LIPA: variants seen among roughly 807,000 people sequenced by gnomAD.
LIPA encodes lysosomal acid lipase/cholesteryl ester hydrolase.
LIPA carries 26 observed loss-of-function variants against 40.6 expected under a neutral mutation model. The observed-to-expected ratio is 0.64, with a 90% CI of 0.47 to 0.89. LIPA has a LOEUF of 0.89. Among genes scored for constraint, LIPA ranks in the 40% least tolerant of loss-of-function variants. LIPA has a pLI of 0.00. For missense variants in LIPA, 455 were observed against 479.6 expected (o/e 0.95, Z 0.48); for synonymous variants, 188 against 168.4 (o/e 1.12, Z -0.90).
intron 1 of LIPA, among the ~76,000 whole-genome samples, chr10:89,302,799 A>ATT (rs140572428): frequency 3.3e-5 from 5 of 152,224 alleles, no homozygotes; most frequent in Non-Finnish European, 7.4e-5. Flanking sequence ...GTGTTAGCTC[A>ATT]TTGAATAGGA....
chr10:89,282,025 A>G (rs1289154998), intron 1 of LIPA, among the ~76,000 whole-genome samples: 1 of 152,184 alleles, frequency 6.6e-6, no homozygotes, highest in Non-Finnish European at 1.5e-5. Context: ...GCTGTTGATG[A>G]GGCAAGAGTT....
At chr10:89,372,793 A>C (rs1455154888) in intron 2 of LIPA, among the ~76,000 whole-genome samples, 1 of 152,214 alleles carries the variant, frequency 6.6e-6, no homozygotes, top group Non-Finnish European at 1.5e-5. Flanking sequence ...GCATCTAGAA[A>C]ACATCTTCAC....
At chr10:89,311,827 C>T (rs1249624397) in intron 1 of LIPA, among the ~76,000 whole-genome samples, 1 of 152,122 alleles carries the variant, frequency 6.6e-6, no homozygotes, top group East Asian at 1.9e-4. Context: ...CTGAATGTTA[C>T]CAGTCTTTAA....
intron 2 of LIPA, among the ~76,000 whole-genome samples, chr10:89,410,664 G>A (rs182426840): frequency 3.9e-5 from 6 of 152,368 alleles, no homozygotes; most frequent in Admixed American, 2.6e-4. Context: ...GAGCAACCAT[G>A]CTTATCTAAT....
chr10:89,302,132 A>T, intron 1 of LIPA: 1 of 1,613,944 alleles, frequency 6.2e-7, no homozygotes, highest in Non-Finnish European at 8.5e-7. Context: ...CCATGAGGTA[A>T]ATATTTTCCC....
At chr10:89,360,040 T>G (rs1229563874) in intron 2 of LIPA, among the ~76,000 whole-genome samples, 1 of 152,190 alleles carries the variant, frequency 6.6e-6, no homozygotes, top group Non-Finnish European at 1.5e-5. Flanking sequence ...TGAAGTTAAT[T>G]ACTTAAACTC....
chr10:89,282,751 A>G (rs1375272842), intron 1 of LIPA, among the ~76,000 whole-genome samples: 2 of 152,172 alleles, frequency 1.3e-5, no homozygotes, highest in South Asian at 2.1e-4. Flanking sequence ...AGGTGCTACC[A>G]CTCTTTACAG....
At position 89,216,012 on chromosome 10, in the gene LIPA, A is replaced by G. The variant is rs1166181190; in HGVS notation, c.895-3T>C. The stretch of plus-strand genomic sequence containing the variant: ...TGAAACTTTTGGAATTTAACAGCCT[A>G]AAAAGAAGATAATTTGGAAAAGAGT... On this transcript the variant is annotated splice_region_variant and splice_polypyrimidine_tract_variant and intron_variant, in intron 8 of 9. Coordinates refer to ENST00000336233, the MANE Select transcript of LIPA (RefSeq NM_000235.4). 6.3e-7 allele frequency: 1 copy of G among 1,598,698 alleles called. No homozygotes were observed. The highest frequency in any genetic ancestry group is 1.7e-5 in the Admixed American group (1 of 60,006).
In LIPA at chr10:89,225,076, G is replaced by A. The variant is rs1171202629; in HGVS notation, c.675+16C>T. On this transcript the variant is annotated intron_variant, in intron 6 of 9. Transcript: ENST00000336233. ...AATCTGCGGGGAGAGGAGAGGGATG[G>A]GAGGGGTCCAAGTACCTTAATGAGA... 1 of 1,613,432 alleles carries A rather than the reference G, an allele frequency of 6.2e-7. No individual in the cohort carries two copies. The highest frequency in any genetic ancestry group is 2.2e-5 in the East Asian group (1 of 44,884).
chr10:89,356,540 G>T (rs1469564110), intron 2 of LIPA, among the ~76,000 whole-genome samples: 1 of 152,094 alleles, frequency 6.6e-6, no homozygotes, highest in Non-Finnish European at 1.5e-5. Flanking sequence ...GAACCCTATT[G>T]TGAACTCTGC....
At chr10:89,390,622 A>G (rs77108966) in intron 2 of LIPA, among the ~76,000 whole-genome samples, 3,001 of 151,890 alleles carry the variant, frequency 0.02, 58 homozygotes, top group East Asian at 0.093. Context: ...ACACACACAC[A>G]CGCGCGCGAT....
chr10:89,246,169 T>G (rs527639802), intron 2 of LIPA, among the ~76,000 whole-genome samples: 1 of 152,338 alleles, frequency 6.6e-6, no homozygotes, highest in Admixed American at 6.5e-5. Flanking sequence ...TAAAACACTT[T>G]CTTTGTTTTG....
At chr10:89,360,535 TG>T (rs1429890264) in intron 2 of LIPA, among the ~76,000 whole-genome samples, 1 of 152,206 alleles carries the variant, frequency 6.6e-6, no homozygotes, top group Non-Finnish European at 1.5e-5. Context: ...GTGGTACATG[TG>T]AGGCTAAGAG....
chr10:89,253,152 AG>A (rs1423919540), upstream of LIPA, among the ~76,000 whole-genome samples: 2 of 152,222 alleles, frequency 1.3e-5, no homozygotes, highest in African/African-American at 4.8e-5. Context: ...TTTCAATAGA[AG>A]GGCAGCATAA....
chr10:89,303,862 G>A (rs184952276), intron 1 of LIPA, among the ~76,000 whole-genome samples: 25 of 152,306 alleles, frequency 1.6e-4, no homozygotes, highest in African/African-American at 5.5e-4. Context: ...GTTAGGATGC[G>A]TGCTGCACAT....
chr10:89,229,538 G>A (rs1842814694), intron 3 of LIPA, among the ~76,000 whole-genome samples: 1 of 152,152 alleles, frequency 6.6e-6, no homozygotes, highest in African/African-American at 2.4e-5. Context: ...ATCACTTGAG[G>A]TCAGTAGTTC....
chr10:89,246,729 GATTA>G (rs1843029403), intron 2 of LIPA, among the ~76,000 whole-genome samples: 1 of 152,018 alleles, frequency 6.6e-6, no homozygotes, highest in Non-Finnish European at 1.5e-5. Context: ...GTTTACTTAC[GATTA>G]ATAACTTTCA....
intron 8 of LIPA, among the ~76,000 whole-genome samples, chr10:89,221,126 G>A (rs914684686): frequency 3.3e-5 from 5 of 151,902 alleles, no homozygotes; most frequent in Non-Finnish European, 5.9e-5. Flanking sequence ...TTGCTGTGTC[G>A]ATTATGGTGA....
intron 2 of LIPA, among the ~76,000 whole-genome samples, chr10:89,368,849 G>A (rs1297761079): frequency 6.6e-6 from 1 of 151,494 alleles, no homozygotes; most frequent in Non-Finnish European, 1.5e-5. Flanking sequence ...CATACCCCCA[G>A]ACCATCACTT....
Sources: allele counts gnomAD v4.1 joint callset (sites outside exome capture counted in the v4.1 genomes callset), GRCh38; gene constraint gnomAD v4.1.1; transcripts MANE v1.5; gene names NCBI Gene and HGNC (gene_info 2026-07-23, HGNC 2026-07-21).